The following LRMDA variants were observed in gnomAD, a reference collection of about 807,000 sequenced individuals.
LRMDA encodes leucine rich melanocyte differentiation associated.
A neutral mutation model predicts 29.8 loss-of-function variants in LRMDA; 18 were observed. The ratio of observed to expected loss-of-function variants is 0.60; its 90% confidence interval spans 0.42 to 0.90. The LOEUF (loss-of-function observed/expected upper bound fraction) is 0.90. LRMDA is among the 40% of genes least tolerant of loss of function. The pLI, the probability that LRMDA is intolerant of heterozygous loss-of-function variation, is 0.00. For missense variants in LRMDA, 273 were observed against 273.9 expected (o/e 1.00, Z 0.02); for synonymous variants, 125 against 109.4 (o/e 1.14, Z -0.89).
intron 5 of LRMDA, among the ~76,000 whole-genome samples, chr10:76,274,920 C>T (rs891647525): frequency 6.6e-6 from 1 of 152,104 alleles, no homozygotes; most frequent in African/African-American, 2.4e-5. Flanking sequence ...ATTGCATTCT[C>T]CTCTATAACA....
At chr10:76,045,496 T>A (rs182022796) in intron 3 of LRMDA, among the ~76,000 whole-genome samples, 3 of 152,138 alleles carry the variant, frequency 2.0e-5, no homozygotes, top group African/African-American at 7.2e-5. Context: ...CCTCTCTTGC[T>A]AGTTTCACCT....
At chr10:75,953,058 A>C (rs1158492240) in intron 2 of LRMDA, among the ~76,000 whole-genome samples, 5 of 152,052 alleles carry the variant, frequency 3.3e-5, no homozygotes, top group Non-Finnish European at 5.9e-5. Context: ...CCCAGCAGGA[A>C]ATTGTCTTTT....
intron 6 of LRMDA, among the ~76,000 whole-genome samples, chr10:76,468,919 G>A (rs1842591161): frequency 6.6e-6 from 1 of 152,122 alleles, no homozygotes; most frequent in South Asian, 2.1e-4. Flanking sequence ...GAGAGGGAGA[G>A]GGAAAGATCC....
intron 2 of LRMDA, among the ~76,000 whole-genome samples, chr10:75,903,922 A>T (rs1167488664): frequency 6.6e-6 from 1 of 152,216 alleles, no homozygotes; most frequent in South Asian, 2.1e-4. Context: ...TTCGCAAATG[A>T]AATGGGGATT....
In LRMDA at chr10:75,734,920, CCTT is replaced by C. The variant is rs556251896; in HGVS notation, c.131+296429_131+296431del. 1.4e-4 allele frequency among the ~76,000 whole-genome samples: 21 copies of C among 152,370 alleles called. No homozygotes were observed. The South Asian group carries it at 4.3e-3, about 32-fold the overall frequency. The stretch of plus-strand genomic sequence containing the variant: ...TGCTCGATTTAACACTGCAGCCTGT[CCTT>C]CTGTGATGCTCCTGATCCTCTCATG... On this transcript the variant is annotated intron_variant, in intron 2 of 6. Transcript: ENST00000611255.
At chr10:75,814,571 T>G (rs1187988658) in intron 2 of LRMDA, among the ~76,000 whole-genome samples, 2 of 149,274 alleles carry the variant, frequency 1.3e-5, no homozygotes, top group African/African-American at 2.4e-5. Context: ...TTCCCCAGCC[T>G]TGGCCCCGCC....
At chr10:76,214,398 G>A (rs1015328669) in intron 5 of LRMDA, among the ~76,000 whole-genome samples, 12 of 128,654 alleles carry the variant, frequency 9.3e-5, no homozygotes, top group African/African-American at 2.8e-4. Context: ...GACTGCGTCC[G>A]CAGTGGCGCA....
chr10:75,477,766 A>C (rs1421828551), intron 2 of LRMDA, among the ~76,000 whole-genome samples: 1 of 152,214 alleles, frequency 6.6e-6, no homozygotes, highest in South Asian at 2.1e-4. Context: ...AGCATCACTC[A>C]GGGTATACCA....
Position 76,173,755 on chromosome 10 carries a change from G to A in LRMDA, c.516+114972G>A, listed in dbSNP as rs371543807. Among the ~76,000 whole-genome samples the A allele has an allele frequency of 2.0e-3, 303 of 152,254 alleles. 2 individuals are homozygous for A. The highest frequency in any genetic ancestry group is 7.0e-3 in the African/African-American group (290 of 41,556). ...GGCTCACTACAACCTCCGCCTCCTG[G>A]GTTCAAGCAATTCTCCTGCCTCAGC... is the stretch of plus-strand genomic sequence containing the variant. On this transcript the variant is annotated intron_variant, in intron 5 of 6. Transcript: ENST00000611255.
At position 76,487,372 on chromosome 10, in the gene LRMDA, G is replaced by A. The variant is rs569358656; in HGVS notation, c.602-69837G>A. On this transcript the variant is annotated intron_variant, in intron 6 of 6. Transcript: ENST00000611255. Reference sequence around the variant, plus strand: ...CTAGGCAACAGAAATGAAAAATACAGGGAAAATAGAAGAGATATTATTGAG... The same window carrying A: ...CTAGGCAACAGAAATGAAAAATACAAGGAAAATAGAAGAGATATTATTGAG... 1.1e-4 allele frequency among the ~76,000 whole-genome samples: 16 copies of A among 151,924 alleles called. No individual in the cohort carries two copies. In the South Asian group the frequency reaches 2.5e-3, roughly 24 times the overall value.
chr10:75,521,674 C>T (rs895583192), intron 2 of LRMDA, among the ~76,000 whole-genome samples: 2 of 152,206 alleles, frequency 1.3e-5, no homozygotes, highest in Admixed American at 1.3e-4. Flanking sequence ...CCAGGTGAGG[C>T]GATGCCCTGC....
chr10:75,986,706 C>A (rs1052610483), intron 2 of LRMDA, among the ~76,000 whole-genome samples: 1 of 152,246 alleles, frequency 6.6e-6, no homozygotes, highest in Non-Finnish European at 1.5e-5. Context: ...TGTAAGGGAC[C>A]TATTGAGTGT....
chr10:76,108,516 A>AC (rs1849524481), intron 5 of LRMDA, among the ~76,000 whole-genome samples: 1 of 151,994 alleles, frequency 6.6e-6, no homozygotes, highest in African/African-American at 2.4e-5. Flanking sequence ...AAAGATAAAC[A>AC]CCCCTACACA....
intron 2 of LRMDA, among the ~76,000 whole-genome samples, chr10:75,916,580 C>G (rs1264230358): frequency 6.6e-6 from 1 of 152,186 alleles, no homozygotes; most frequent in South Asian, 2.1e-4. Context: ...CTGGCACATA[C>G]CCTCTGCTCT....
chr10:75,819,630 T>C (rs866813880), intron 2 of LRMDA, among the ~76,000 whole-genome samples: 6 of 152,146 alleles, frequency 3.9e-5, no homozygotes, highest in Non-Finnish European at 7.4e-5. Flanking sequence ...AATTTGGTGA[T>C]TGGCAGGTCA....
chr10:76,314,222 G>A (rs1564720771), intron 5 of LRMDA, among the ~76,000 whole-genome samples: 2 of 152,120 alleles, frequency 1.3e-5, no homozygotes, highest in Non-Finnish European at 2.9e-5. Context: ...ATTAGGCTAC[G>A]ACACAACATC....
intron 5 of LRMDA, among the ~76,000 whole-genome samples, chr10:76,098,904 A>G (rs931605709): frequency 6.6e-6 from 1 of 152,156 alleles, no homozygotes; most frequent in African/African-American, 2.4e-5. Flanking sequence ...TAGGGAGGTG[A>G]AGCTGTCCTC....
intron 6 of LRMDA, among the ~76,000 whole-genome samples, chr10:76,431,000 G>C (rs1842184819): frequency 6.6e-6 from 1 of 152,178 alleles, no homozygotes; most frequent in Non-Finnish European, 1.5e-5. Context: ...GGAAGACTCT[G>C]ATGATTTCAA....
intron 2 of LRMDA, among the ~76,000 whole-genome samples, chr10:75,742,291 T>A (rs1842839572): frequency 6.6e-6 from 1 of 152,124 alleles, no homozygotes; most frequent in African/African-American, 2.4e-5. Flanking sequence ...GGAAAGTAAA[T>A]CCTTGGGAGT....
Sources: gnomAD v4.1 joint callset for allele counts (sites outside exome capture counted in the v4.1 genomes callset) on GRCh38, gnomAD v4.1.1 for gene constraint, MANE v1.5 for transcripts, NCBI Gene and HGNC (gene_info 2026-07-23, HGNC 2026-07-21) for gene names.